FBXL17: variants seen among roughly 807,000 people sequenced by gnomAD.
The protein encoded by FBXL17 is F-box and leucine rich repeat protein 17, also known as F-box/LRR-repeat protein 17.
A neutral mutation model predicts 66.2 loss-of-function variants in FBXL17; 22 were observed. The ratio of observed to expected loss-of-function variants is 0.33; its 90% CI spans 0.24 to 0.47. The LOEUF (loss-of-function observed/expected upper bound fraction) is 0.47. Among genes scored for constraint, FBXL17 ranks in the 20% least tolerant of loss-of-function variants. The pLI, the probability that FBXL17 is intolerant of heterozygous loss-of-function variation, is 1.00. For synonymous variants in FBXL17, 474 were observed against 400.5 expected (o/e 1.18, Z -2.19); for missense variants, 878 against 948.2 (o/e 0.93, Z 0.97).
intron 2 of FBXL17, among the ~76,000 whole-genome samples, chr5:108,367,037 T>TA (rs959429314): frequency 1.2e-4 from 19 of 152,222 alleles, no homozygotes; most frequent in African/African-American, 4.1e-4. Context: ...TGGCAAATAT[T>TA]ACAAATCAGG....
chr5:108,040,374 T>C (rs759140435), intron 6 of FBXL17, among the ~76,000 whole-genome samples: 2 of 152,162 alleles, frequency 1.3e-5, no homozygotes, highest in African/African-American at 4.8e-5. Context: ...TATTCCTTAA[T>C]GTATATACTT....
chr5:108,262,319 C>A (rs1202449956), intron 4 of FBXL17, among the ~76,000 whole-genome samples: 4 of 151,754 alleles, frequency 2.6e-5, no homozygotes, highest in African/African-American at 9.7e-5. Flanking sequence ...CCTCATGATC[C>A]ACCCACCTTG....
intron 7 of FBXL17, among the ~76,000 whole-genome samples, chr5:108,013,336 C>T (rs1290933826): frequency 6.6e-6 from 1 of 152,150 alleles, no homozygotes; most frequent in East Asian, 1.9e-4. Context: ...AAGGTTTCTT[C>T]AAAAATTTGT....
At chr5:108,198,288 T>C (rs1300825617) in intron 5 of FBXL17, among the ~76,000 whole-genome samples, 2 of 152,092 alleles carry the variant, frequency 1.3e-5, no homozygotes, top group Non-Finnish European at 1.5e-5. Flanking sequence ...CCAAAATGTA[T>C]ACATAATTCT....
intron 5 of FBXL17, among the ~76,000 whole-genome samples, chr5:108,193,276 T>TTTAGG (rs1220501587): frequency 6.6e-6 from 1 of 151,950 alleles, no homozygotes; most frequent in African/African-American, 2.4e-5. Context: ...AGGGAGATCC[T>TTTAGG]AAAGGCAGAG....
At chr5:108,219,792 G>A (rs1343758786) in intron 5 of FBXL17, among the ~76,000 whole-genome samples, 1 of 151,800 alleles carries the variant, frequency 6.6e-6, no homozygotes, top group African/African-American at 2.4e-5. Context: ...ACATTGGCAA[G>A]TTTTTTTTGA....
chr5:107,935,078 T>G (rs930137054), intron 7 of FBXL17, among the ~76,000 whole-genome samples: 4 of 152,086 alleles, frequency 2.6e-5, no homozygotes, highest in Non-Finnish European at 4.4e-5. Flanking sequence ...GTTTTTTTTT[T>G]GCACTTTACA....
rs367710674 is a variant in FBXL17, at chr5:107,861,897, C to A, written c.1966-37G>T. The stretch of plus-strand genomic sequence containing the variant: ...GAAGAGTCACCATCACGCACAGAGA[C>A]CACCAACACCACGCCGCTGCCCACG... On this transcript the variant is annotated intron_variant, in intron 8 of 8. Transcript: ENST00000542267. 7 of 1,443,836 alleles carry A rather than the reference C, an allele frequency of 4.8e-6. No individual in the cohort carries two copies. In the African/African-American group the frequency reaches 8.6e-5, roughly 18 times the overall value. 89.4% of individuals were successfully genotyped at this position (1,443,836 alleles called of 1,614,324 possible). A position where few individuals can be genotyped will look rare whatever the true frequency, so the allele number is the denominator to read the frequency against.
At chr5:108,177,880 T>C (rs1307263689) in intron 6 of FBXL17, among the ~76,000 whole-genome samples, 1 of 127,906 alleles carries the variant, frequency 7.8e-6, no homozygotes, top group African/African-American at 2.8e-5. Context: ...TTATTAGCTA[T>C]TGCTATTATC....
chr5:108,110,679 A>AT (rs1246087756), intron 6 of FBXL17, among the ~76,000 whole-genome samples: 3 of 151,774 alleles, frequency 2.0e-5, no homozygotes, highest in African/African-American at 7.3e-5. Context: ...AAAATTTGTT[A>AT]TTTTTTATGA....
intron 7 of FBXL17, among the ~76,000 whole-genome samples, chr5:107,953,915 C>T (rs1751580299): frequency 6.6e-6 from 1 of 152,172 alleles, no homozygotes; most frequent in African/African-American, 2.4e-5. Flanking sequence ...ATTGAATCCA[C>T]CAATTATTTT....
chr5:108,256,873 CCTTA>C (rs565175107), intron 4 of FBXL17, among the ~76,000 whole-genome samples: 28 of 151,378 alleles, frequency 1.8e-4, no homozygotes, highest in Non-Finnish European at 2.5e-4. Flanking sequence ...TCTGTGTTTT[CCTTA>C]CTTAGTTTTT....
chr5:107,972,923 A>G (rs753832090), intron 7 of FBXL17, among the ~76,000 whole-genome samples: 2 of 152,228 alleles, frequency 1.3e-5, no homozygotes, highest in African/African-American at 2.4e-5. Context: ...CCAGTATCAT[A>G]TGAGTTTTAC....
intron 7 of FBXL17, among the ~76,000 whole-genome samples, chr5:108,015,723 T>C (rs1754357512): frequency 6.6e-6 from 1 of 152,212 alleles, no homozygotes; most frequent in African/African-American, 2.4e-5. Context: ...ACTTTGATGA[T>C]GTATCCCAGA....
intron 4 of FBXL17, among the ~76,000 whole-genome samples, chr5:108,280,732 T>TA (rs34971153): frequency 0.51 from 75,849 of 148,860 alleles, 19,219 homozygotes; most frequent in African/African-American, 0.57. Flanking sequence ...CAGAATGAAT[T>TA]AAAAAAAAAA....
chr5:108,206,094 G>A (rs1341339606), intron 5 of FBXL17, among the ~76,000 whole-genome samples: 1 of 151,840 alleles, frequency 6.6e-6, no homozygotes, highest in East Asian at 1.9e-4. Context: ...ACATATAATC[G>A]CTTTTGCTTT....
chr5:108,261,993 G>T (rs941430692), intron 4 of FBXL17, among the ~76,000 whole-genome samples: 3 of 151,668 alleles, frequency 2.0e-5, no homozygotes, highest in Non-Finnish European at 4.4e-5. Context: ...TGGGGAGATG[G>T]GGGGGATGGG....
intron 4 of FBXL17, among the ~76,000 whole-genome samples, chr5:108,339,333 C>T (rs1244884974): frequency 6.6e-6 from 1 of 152,098 alleles, no homozygotes; most frequent in Non-Finnish European, 1.5e-5. Flanking sequence ...AGGAAAATAT[C>T]CTCATAGATG....
chr5:108,127,757 G>A (rs1159318099), intron 6 of FBXL17, among the ~76,000 whole-genome samples: 3 of 152,062 alleles, frequency 2.0e-5, no homozygotes, highest in Non-Finnish European at 4.4e-5. Context: ...CCCAAATGCT[G>A]ATAGCTTTCA....
Sources: gnomAD v4.1 joint callset for allele counts (sites outside exome capture counted in the v4.1 genomes callset) on GRCh38, gnomAD v4.1.1 for gene constraint, MANE v1.5 for transcripts, NCBI Gene and HGNC (gene_info 2026-07-23, HGNC 2026-07-21) for gene names.